Variants in METTL23 observed in about 807,000 individuals in gnomAD.
METTL23 encodes the protein histone-arginine methyltransferase METTL23.
In METTL23, 24 loss-of-function variants were observed where a neutral mutation model predicts 21.2. That is an observed-to-expected ratio of 1.13 (90% CI 0.82 to 1.59). The LOEUF is 1.59. Among genes scored for constraint, METTL23 ranks in the 40% most tolerant of loss-of-function variants. METTL23 has a pLI of 0.00. For synonymous variants in METTL23, 97 were observed against 75.2 expected, an observed-to-expected ratio of 1.29 and a Z score of -1.50; for missense variants, 276 against 221.4, an observed-to-expected ratio of 1.25 and a Z score of -1.57.
chr17:76,727,809 C>T (rs2077012374), intron 1 of METTL23, among the ~76,000 whole-genome samples: 1 of 152,232 alleles, frequency 6.6e-6, no homozygotes, highest in South Asian at 2.1e-4. Context: ...CAGCTCACTG[C>T]AACCTCCAAC....
intron 1 of METTL23, among the ~76,000 whole-genome samples, chr17:76,729,281 A>G (rs952399944): frequency 6.7e-6 from 1 of 150,258 alleles, no homozygotes; most frequent in Non-Finnish European, 1.5e-5. Context: ...GGGTTTCACC[A>G]TGTTAGCCAG....
intron 1 of METTL23, among the ~76,000 whole-genome samples, chr17:76,728,624 T>C (rs188455869): frequency 8.5e-4 from 130 of 152,072 alleles, no homozygotes; most frequent in Non-Finnish European, 1.6e-3. Context: ...TTGGCCAAGC[T>C]GATCTTGAAC....
At position 76,733,298 on chromosome 17, in the gene METTL23, G is replaced by T. The variant is rs761110936; in HGVS notation, c.328G>T (p.Glu110Ter). The change falls in exon 4 of 5, where the codon GAA becomes TAA. Residue 110 changes from glutamate to a stop codon, truncating the protein, a stop_gained. Transcript: ENST00000341249. LOFTEE classifies it high-confidence loss of function. ...CATAAATCCTTTCTCCTCAGATTTT[G>T]AAGACATTTTGGCTACAATATATTT... ...SDVFFEPEDF[E>*]DILATIYFLM... 1.2e-6 allele frequency: 2 copies of T among 1,613,744 alleles called. No homozygotes were observed. Among genetic ancestry groups the T allele is most frequent in the Non-Finnish European group, 1.7e-6 (2 of 1,179,848 alleles).
upstream of METTL23, chr17:76,726,503 A>G (rs375435405): frequency 1.4e-5 from 22 of 1,580,292 alleles, no homozygotes; most frequent in African/African-American, 2.9e-4. Context: ...TGGTTCCGCT[A>G]CGACCTCGGC....
intron 1 of METTL23, among the ~76,000 whole-genome samples, chr17:76,729,097 C>T (rs1365279417): frequency 1.3e-5 from 2 of 150,314 alleles, no homozygotes; most frequent in African/African-American, 4.9e-5. Flanking sequence ...CCACGCCCGG[C>T]CATTTTTTTT....
upstream of METTL23, chr17:76,726,636 A>G (rs560504624): frequency 3.2e-5 from 31 of 976,684 alleles, no homozygotes; most frequent in East Asian, 4.3e-4. Flanking sequence ...TTCACTCCCC[A>G]GCCACCTCCC....
intron 1 of METTL23, 86 bp from the exon 2 acceptor site, chr17:76,729,604 G>A: frequency 1.1e-6 from 1 of 889,736 alleles, no homozygotes; most frequent in Non-Finnish European, 1.8e-6. Context: ...TGTAATGGAT[G>A]CCAATGCCTG....
chr17:76,726,647 G>C (rs529412602), upstream of METTL23: 1 of 921,744 alleles, frequency 1.1e-6, no homozygotes, highest in Non-Finnish European at 1.6e-6. Flanking sequence ...GCCACCTCCC[G>C]AGCCTCGGGT....
upstream of METTL23, chr17:76,726,614 C>T: frequency 1.6e-6 from 2 of 1,226,814 alleles, no homozygotes; most frequent in Non-Finnish European, 2.2e-6. Flanking sequence ...TTTAAAGTCG[C>T]CTTCCAGAAA....
intron 1 of METTL23, among the ~76,000 whole-genome samples, chr17:76,729,370 C>T (rs193181830): frequency 2.0e-5 from 3 of 152,298 alleles, no homozygotes; most frequent in East Asian, 1.9e-4. Flanking sequence ...CCTGAGTCAC[C>T]GTGCCCGGCC....
chr17:76,726,651 C>T, upstream of METTL23: 2 of 905,726 alleles, frequency 2.2e-6, no homozygotes, highest in East Asian at 2.9e-5. Flanking sequence ...CCTCCCGAGC[C>T]TCGGGTTGGG....
rs764138688 is a variant in METTL23 at position 76,727,098 on chromosome 17, G to A, written c.-102G>A. On this transcript the variant is annotated 5_prime_UTR_variant, in exon 1 of 5. Transcript: ENST00000341249. The stretch of plus-strand genomic sequence containing the variant: ...CGAGCACGATTTCCGAGGACAGGGG[G>A]TCCGGGCCCAGCGCTTTCGATTCTC... 81 of 454,442 alleles carry A rather than the reference G, an allele frequency of 1.8e-4. No homozygotes were observed. Among genetic ancestry groups the A allele is most frequent in the African/African-American group, 8.8e-4 (44 of 50,098 alleles). 28.2% of individuals were successfully genotyped at this position (454,442 alleles called of 1,614,324 possible). A position where few individuals can be genotyped will look rare whatever the true frequency, so the allele number is the denominator to read the frequency against.
At chr17:76,731,989 T>G (rs999555484) in intron 2 of METTL23, among the ~76,000 whole-genome samples, 7 of 152,240 alleles carry the variant, frequency 4.6e-5, no homozygotes, top group African/African-American at 1.7e-4. Context: ...TGGAAAATCT[T>G]TACTAGAAAG....
chr17:76,731,885 T>C (rs2077220077), intron 2 of METTL23, among the ~76,000 whole-genome samples: 1 of 152,174 alleles, frequency 6.6e-6, no homozygotes, highest in Non-Finnish European at 1.5e-5. Context: ...AACTGGAAAA[T>C]GGGAAGCTTG....
chr17:76,733,737 G>A lies in METTL23; in HGVS notation c.*51G>A. 6.5e-7 allele frequency: 1 copy of A among 1,528,636 alleles called. No individual in the cohort carries two copies. Among genetic ancestry groups the A allele is most frequent in the Non-Finnish European group, 8.9e-7 (1 of 1,128,420 alleles). The allele number at this position is 1,528,636 out of a possible 1,614,324, so 94.7% of individuals were successfully genotyped here. ...CAGTATCAATACTGATGAGCAACCT[G>A]GCACACAAACTATGAGCAGACCACT... is the stretch of plus-strand genomic sequence containing the variant. On this transcript the variant is annotated 3_prime_UTR_variant, in exon 5 of 5. Coordinates refer to ENST00000341249, the MANE Select transcript of METTL23 (RefSeq NM_001080510.5).
chr17:76,731,086 G>C (rs1224690585), intron 2 of METTL23, among the ~76,000 whole-genome samples: 1 of 147,726 alleles, frequency 6.8e-6, no homozygotes. Flanking sequence ...CAGCCTGGGC[G>C]ACAGAGCGAG....
At chr17:76,728,254 A>AT (rs1271028124) in intron 1 of METTL23, among the ~76,000 whole-genome samples, 1 of 144,740 alleles carries the variant, frequency 6.9e-6, no homozygotes, top group Non-Finnish European at 1.5e-5. Context: ...AAAAAAAAAA[A>AT]GACTGGAGTG....
chr17:76,731,680 T>G (rs1286145380), intron 2 of METTL23, among the ~76,000 whole-genome samples: 1 of 152,202 alleles, frequency 6.6e-6, no homozygotes, highest in Non-Finnish European at 1.5e-5. Context: ...TTTATCACAT[T>G]TGCAGAAATA....
chr17:76,726,283 GA>G, upstream of METTL23: 1 of 1,504,818 alleles, frequency 6.6e-7, no homozygotes, highest in South Asian at 1.2e-5. Context: ...CGGGCCCAGA[GA>G]AAGGTGCGTA....
Sources: allele counts gnomAD v4.1 joint callset (sites outside exome capture counted in the v4.1 genomes callset), GRCh38; gene constraint gnomAD v4.1.1; transcripts MANE v1.5; gene names NCBI Gene and HGNC (gene_info 2026-07-23, HGNC 2026-07-21).